The following STUM variants were observed in gnomAD, a reference collection of about 807,000 sequenced individuals.
STUM encodes the protein protein stum homolog.
Under a neutral mutation model 15.3 loss-of-function variants are expected in STUM, and 8 were observed. That is an observed-to-expected ratio of 0.52 (90% CI 0.31 to 0.94). The LOEUF is 0.94. Among genes scored for constraint, STUM ranks in the 40% least tolerant of loss-of-function variants. The pLI, the probability that STUM is intolerant of heterozygous loss-of-function variation, is 0.05. For missense variants in STUM, 142 were observed against 204.9 expected (o/e 0.69, Z 1.87); for synonymous variants, 78 against 88.7 (o/e 0.88, Z 0.68).
intron 1 of STUM, among the ~76,000 whole-genome samples, chr1:226,589,256 T>C (rs1368910952): frequency 6.6e-6 from 1 of 152,020 alleles, no homozygotes; most frequent in Non-Finnish European, 1.5e-5. Context: ...TCAGGCTCTA[T>C]CTCGTGGGAG....
rs953273637 is a variant in STUM, at chr1:226,565,344, C to T, written c.202+16238C>T. 4.6e-5 allele frequency among the ~76,000 whole-genome samples: 7 copies of T among 152,072 alleles called. No individual in the cohort carries two copies. Among genetic ancestry groups the T allele is most frequent in the African/African-American group, 1.4e-4 (6 of 41,384 alleles). On this transcript the variant is annotated intron_variant, in intron 1 of 3. Transcript: ENST00000366788. This position sits in a 1 kb window ranked among gnomAD's most constrained non-coding sequence, Gnocchi z 4.4. ...TTCATGAAGACCCTGGGGGTGGGAG[C>T]CTTTGCTTCCTGCTGGGACCCCCTG...
chr1:226,574,778 AC>A (rs1270101933), intron 1 of STUM, among the ~76,000 whole-genome samples: 7 of 152,152 alleles, frequency 4.6e-5, no homozygotes, highest in African/African-American at 1.7e-4. Context: ...TGGGGACGTT[AC>A]CGTTGCCAAC....
intron 1 of STUM, among the ~76,000 whole-genome samples, chr1:226,572,712 G>T (rs753175368): frequency 4.6e-5 from 7 of 152,206 alleles, no homozygotes; most frequent in Non-Finnish European, 8.8e-5. Flanking sequence ...AACCTCTGGG[G>T]AAATGCCTGG....
rs1668278186 is a variant in STUM at position 226,602,101 on chromosome 1, T to G, written c.*61T>G. On this transcript the variant is annotated 3_prime_UTR_variant, in exon 4 of 4. Coordinates refer to ENST00000366788, the MANE Select transcript of STUM (RefSeq NM_001003665.4). ...CTGTGAGGGCTGCACCAGGCAGCTTTGGGCACAAGGACCTTTACATGTTCT... is the reference window on the plus strand; with the variant it reads ...CTGTGAGGGCTGCACCAGGCAGCTTGGGGCACAAGGACCTTTACATGTTCT... 1 of 1,357,656 alleles carries G rather than the reference T, an allele frequency of 7.4e-7. No individual in the cohort carries two copies. The highest frequency in any genetic ancestry group is 1.7e-5 in the Admixed American group (1 of 57,466). 84.1% of individuals were successfully genotyped at this position (1,357,656 alleles called of 1,614,324 possible).
intron 1 of STUM, among the ~76,000 whole-genome samples, chr1:226,575,818 CT>C (rs933344978): frequency 4.6e-5 from 7 of 152,232 alleles, no homozygotes; most frequent in African/African-American, 1.7e-4. Context: ...GATAGTCAGC[CT>C]TTCACATCCG....
At chr1:226,591,663 T>G (rs2102708311) in intron 1 of STUM, among the ~76,000 whole-genome samples, 1 of 152,306 alleles carries the variant, frequency 6.6e-6, no homozygotes, top group East Asian at 1.9e-4. Flanking sequence ...AGAGATAGGC[T>G]TGACGACCTT....
chr1:226,560,939 C>T (rs1007842443), intron 1 of STUM, among the ~76,000 whole-genome samples: 4 of 152,196 alleles, frequency 2.6e-5, no homozygotes, highest in Non-Finnish European at 5.9e-5. Context: ...TTCTTTCCCT[C>T]GCTTTATGTA....
intron 1 of STUM, among the ~76,000 whole-genome samples, chr1:226,576,067 G>A (rs140828734): frequency 7.5e-4 from 114 of 152,362 alleles, no homozygotes; most frequent in African/African-American, 2.6e-3. Context: ...CCTCAGACGC[G>A]GCTCTGTCTG....
chr1:226,592,510 TAAC>T (rs1209159354), intron 1 of STUM, among the ~76,000 whole-genome samples: 2 of 152,200 alleles, frequency 1.3e-5, no homozygotes, highest in East Asian at 3.8e-4. Flanking sequence ...GGGATAATAA[TAAC>T]TACCTCCAGT....
chr1:226,548,967 C>T lies in STUM; in HGVS notation c.63C>T (p.Asp21=), dbSNP rs1302048996. The T allele has an allele frequency of 8.7e-6, 13 of 1,489,414 alleles. No homozygotes were observed. Among genetic ancestry groups the T allele is most frequent in the African/African-American group, 1.5e-5 (1 of 68,104 alleles). The allele number at this position is 1,489,414 out of a possible 1,614,324, so 92.3% of individuals were successfully genotyped here. ...AAAAAAVAAA[D]PRGASSSSGV... is the part of the protein sequence containing the mutation. ...CGGCGGCGGCGGTGGCGGCGGCGGA[C>T]CCCCGGGGGGCGTCCTCGTCCAGCG... The change falls in exon 1 of 4, where the codon GAC becomes GAT. Residue 21 remains aspartate (D), a synonymous_variant. Transcript: ENST00000366788.
Position 226,565,172 on chromosome 1 carries a change from C to T in STUM, c.202+16066C>T, listed in dbSNP as rs1478946884. 6.6e-6 allele frequency among the ~76,000 whole-genome samples: 1 copy of T among 152,172 alleles called. No homozygotes were observed. Among genetic ancestry groups the T allele is most frequent in the East Asian group, 1.9e-4 (1 of 5,184 alleles). On this transcript the variant is annotated intron_variant, in intron 1 of 3. Coordinates refer to ENST00000366788, the MANE Select transcript of STUM (RefSeq NM_001003665.4). The surrounding 1 kb of genome is among the most constrained non-coding windows in gnomAD (Gnocchi z 4.4). ...TATGACCACGAATTCCATTCTACAG[C>T]CCCCTTCTACTACCCCAGCCCTCTC...
In STUM at chr1:226,600,650, C is replaced by T. The variant is rs748334708; in HGVS notation, c.383-16C>T. ...CTCCTCTTCCTCCTGCTGCCTCCCA[C>T]TCTGTGCTGCTGCAGTTTCCCAAGG... On this transcript the variant is annotated splice_polypyrimidine_tract_variant and intron_variant, in intron 2 of 3. Transcript: ENST00000366788. This position sits in a 1 kb window ranked among gnomAD's most constrained non-coding sequence, Gnocchi z 5.2. 23 of 1,611,120 alleles carry T rather than the reference C, an allele frequency of 1.4e-5. No individual in the cohort carries two copies. The South Asian group carries it at 2.0e-4, about 14-fold the overall frequency.
intron 1 of STUM, among the ~76,000 whole-genome samples, chr1:226,563,138 G>T (rs1667568758): frequency 6.6e-6 from 1 of 152,188 alleles, no homozygotes; most frequent in African/African-American, 2.4e-5. Context: ...CTGCCAGTTT[G>T]ATACTATTTT....
chr1:226,575,434 C>G (rs1312711918), intron 1 of STUM, among the ~76,000 whole-genome samples: 1 of 152,248 alleles, frequency 6.6e-6, no homozygotes, highest in African/African-American at 2.4e-5. Context: ...GCCCTCCAAT[C>G]CCTGCCGGCA....
At position 226,565,255 on chromosome 1, in the gene STUM, C is replaced by T. The variant is rs1667602836; in HGVS notation, c.202+16149C>T. 6.6e-6 allele frequency among the ~76,000 whole-genome samples: 1 copy of T among 152,220 alleles called. No homozygotes were observed. On this transcript the variant is annotated intron_variant, in intron 1 of 3. Coordinates refer to ENST00000366788, the MANE Select transcript of STUM (RefSeq NM_001003665.4). The surrounding 1 kb of genome is among the most constrained non-coding windows in gnomAD (Gnocchi z 4.4). ...TCAGGCCCAAGGGTGGGAGTGGCCT[C>T]CTGCTGTTGCTGGGTACCAGCATTT...
At chr1:226,601,855 C>T in intron 3 of STUM, 151 bp from the exon 4 acceptor site, 2 of 678,172 alleles carry the variant, frequency 2.9e-6, no homozygotes, top group South Asian at 3.2e-5. Context: ...AAGTCAAAGC[C>T]CTTGGGAAAA....
chr1:226,561,362 C>G (rs1157987430), intron 1 of STUM, among the ~76,000 whole-genome samples: 1 of 152,140 alleles, frequency 6.6e-6, no homozygotes, highest in African/African-American at 2.4e-5. Context: ...CTAGTGGACC[C>G]TTCCCCAGGA....
At position 226,565,908 on chromosome 1, in the gene STUM, C is replaced by A. The variant is rs1667617631; in HGVS notation, c.202+16802C>A. Among the ~76,000 whole-genome samples the A allele has an allele frequency of 1.3e-5, 2 of 152,240 alleles. No homozygotes were observed. The highest frequency in any genetic ancestry group is 4.8e-5 in the African/African-American group (2 of 41,466). On this transcript the variant is annotated intron_variant, in intron 1 of 3. Coordinates refer to ENST00000366788, the MANE Select transcript of STUM (RefSeq NM_001003665.4). The surrounding 1 kb of genome is among the most constrained non-coding windows in gnomAD (Gnocchi z 4.4). ...GCCTTCATTTTGGAAGGTGCAACAG[C>A]TGCCCAGCCCATTGCTTGTGCCTGG...
At chr1:226,571,969 G>T (rs868433473) in intron 1 of STUM, among the ~76,000 whole-genome samples, 1 of 152,062 alleles carries the variant, frequency 6.6e-6, no homozygotes, top group Non-Finnish European at 1.5e-5. Context: ...CTCCTACTTC[G>T]CACTTCTGAG....
Sources: allele counts gnomAD v4.1 joint callset (sites outside exome capture counted in the v4.1 genomes callset), GRCh38; gene constraint gnomAD v4.1.1; non-coding constraint Gnocchi (gnomAD v3.1); transcripts MANE v1.5; gene names NCBI Gene and HGNC (gene_info 2026-07-23, HGNC 2026-07-21).